Variants in RBP2 observed in about 807,000 individuals in gnomAD.
RBP2 encodes the protein retinol-binding protein 2.
Under a neutral mutation model 17.0 loss-of-function variants are expected in RBP2, and 17 were observed. The ratio of observed to expected loss-of-function variants is 1.00; its 90% CI spans 0.68 to 1.50. The LOEUF (loss-of-function observed/expected upper bound fraction) is 1.50, where lower values mean the gene tolerates loss of function less well. Among genes scored for constraint, RBP2 ranks in the 40% most tolerant of loss-of-function variants. The pLI, the probability that RBP2 is intolerant of heterozygous loss-of-function variation, is 0.00. For missense variants in RBP2, 158 were observed against 168.2 expected (o/e 0.94, Z 0.33); for synonymous variants, 48 against 57.1 (o/e 0.84, Z 0.72).
At chr3:139,459,392 C>A (rs1933103143) in intron 2 of RBP2, among the ~76,000 whole-genome samples, 1 of 116,920 alleles carries the variant, frequency 8.6e-6, no homozygotes. Context: ...CCTGTTTCTA[C>A]TATATATATG....
intron 1 of RBP2, among the ~76,000 whole-genome samples, chr3:139,464,480 A>G (rs1163925380): frequency 2.0e-5 from 3 of 151,926 alleles, no homozygotes; most frequent in Admixed American, 2.0e-4. Flanking sequence ...TTTGGTCACT[A>G]TTACTCCCCT....
At chr3:139,457,923 A>C (rs1182564561) in intron 2 of RBP2, among the ~76,000 whole-genome samples, 2 of 152,254 alleles carry the variant, frequency 1.3e-5, no homozygotes, top group African/African-American at 4.8e-5. Context: ...TAAATTAGAT[A>C]CAGGCACTGT....
At position 139,474,088 on chromosome 3, in the gene RBP2, T is replaced by C. The variant is rs942466515; in HGVS notation, c.73+2299A>G. Among the ~76,000 whole-genome samples, 3 of 152,236 alleles carry C rather than the reference T, an allele frequency of 2.0e-5. No individual in the cohort carries two copies. In the East Asian group the frequency reaches 5.8e-4, roughly 29 times the overall value. Reference sequence around the variant, plus strand: ...TCATTAGAGTGAAATCAATGTAATGTGATATTAAATTGGAAGTTTTGGCTG... The same window carrying C: ...TCATTAGAGTGAAATCAATGTAATGCGATATTAAATTGGAAGTTTTGGCTG... On this transcript the variant is annotated intron_variant, in intron 1 of 3. Transcript: ENST00000232217.
At chr3:139,458,977 A>C (rs906484465) in intron 2 of RBP2, among the ~76,000 whole-genome samples, 1 of 151,856 alleles carries the variant, frequency 6.6e-6, no homozygotes, top group African/African-American at 2.4e-5. Flanking sequence ...GGAGTCCCTG[A>C]CTCCTCAGAG....
intron 3 of RBP2, among the ~76,000 whole-genome samples, chr3:139,453,771 A>G (rs1043421862): frequency 6.6e-6 from 1 of 152,236 alleles, no homozygotes; most frequent in Non-Finnish European, 1.5e-5. Context: ...AAGGACCACC[A>G]CAATCATTGC....
intron 2 of RBP2, 139 bp from the exon 3 acceptor site, chr3:139,454,969 A>G: frequency 1.4e-6 from 1 of 739,418 alleles, no homozygotes; most frequent in South Asian, 1.7e-5. Context: ...CAGGGAGCCA[A>G]GATGCTTCCA....
At chr3:139,468,477 G>A (rs1158883499) in intron 1 of RBP2, among the ~76,000 whole-genome samples, 1 of 152,182 alleles carries the variant, frequency 6.6e-6, no homozygotes, top group Non-Finnish European at 1.5e-5. Flanking sequence ...ATGGAATCAA[G>A]CATCACTACT....
intron 2 of RBP2, among the ~76,000 whole-genome samples, chr3:139,459,474 T>C (rs1385298626): frequency 7.3e-6 from 1 of 136,580 alleles, no homozygotes; most frequent in African/African-American, 2.7e-5. Flanking sequence ...ATATATATAT[T>C]TAGCCAGGCA....
intron 2 of RBP2, among the ~76,000 whole-genome samples, chr3:139,459,400 A>G (rs199554329): frequency 3.0e-3 from 389 of 128,550 alleles, no homozygotes; most frequent in Non-Finnish European, 4.3e-3. Flanking sequence ...TACTATATAT[A>G]TGTGTGTGTG....
chr3:139,457,444 A>AGAAG (rs1363898164), intron 2 of RBP2, among the ~76,000 whole-genome samples: 2 of 152,296 alleles, frequency 1.3e-5, no homozygotes, highest in African/African-American at 4.8e-5. Context: ...GAAGGAAGGA[A>AGAAG]GAAGGAAGGA....
At chr3:139,473,470 T>C (rs1933628196) in intron 1 of RBP2, among the ~76,000 whole-genome samples, 1 of 152,182 alleles carries the variant, frequency 6.6e-6, no homozygotes, top group Non-Finnish European at 1.5e-5. Flanking sequence ...GGGGTTAAAG[T>C]ATTAGAAATC....
At chr3:139,466,236 T>C (rs2107876935) in intron 1 of RBP2, among the ~76,000 whole-genome samples, 1 of 152,286 alleles carries the variant, frequency 6.6e-6, no homozygotes, top group South Asian at 2.1e-4. Context: ...AGCCCCTCTG[T>C]GGAGGAATAT....
chr3:139,476,140 G>A (rs1039786900), intron 1 of RBP2, among the ~76,000 whole-genome samples: 4 of 152,102 alleles, frequency 2.6e-5, no homozygotes, highest in Non-Finnish European at 4.4e-5. Flanking sequence ...TTCAGTGTAT[G>A]TTTTCTGTGG....
intron 2 of RBP2, among the ~76,000 whole-genome samples, chr3:139,458,765 G>A (rs1933073861): frequency 6.6e-6 from 1 of 152,176 alleles, no homozygotes; most frequent in Non-Finnish European, 1.5e-5. Flanking sequence ...CATCCATTTT[G>A]TAGCATGAGT....
chr3:139,471,125 A>C (rs749846186), intron 1 of RBP2, among the ~76,000 whole-genome samples: 12 of 152,186 alleles, frequency 7.9e-5, no homozygotes, highest in Non-Finnish European at 1.6e-4. Flanking sequence ...CTATGCTGGC[A>C]GGGAACTCGT....
In RBP2 at chr3:139,475,867, C is replaced by T. The variant is rs1576430456; in HGVS notation, c.73+520G>A. 2.0e-5 allele frequency among the ~76,000 whole-genome samples: 3 copies of T among 152,340 alleles called. No individual in the cohort carries two copies. In the Middle Eastern group the frequency reaches 0.01, roughly 518 times the overall value. On this transcript the variant is annotated intron_variant, in intron 1 of 3. Coordinates refer to ENST00000232217, the MANE Select transcript of RBP2 (RefSeq NM_004164.3). ...GAACCCAGTTCAGAAGTCATATAAG[C>T]AGTGGGTTGTTTGTGCTATCTGACA... is the stretch of plus-strand genomic sequence containing the variant.
At position 139,475,624 on chromosome 3, in the gene RBP2, C is replaced by T. The variant is rs530325975; in HGVS notation, c.73+763G>A. Among the ~76,000 whole-genome samples, 10 of 152,284 alleles carry T rather than the reference C, an allele frequency of 6.6e-5. No homozygotes were observed. In the East Asian group the frequency reaches 1.9e-3, roughly 29 times the overall value. On this transcript the variant is annotated intron_variant, in intron 1 of 3. Coordinates refer to ENST00000232217, the MANE Select transcript of RBP2 (RefSeq NM_004164.3). ...GCTAGAAGAGGTGATAAAGAGGCTG[C>T]TGAGGGATGGAATAAGGTCAGGCAG...
chr3:139,475,230 G>A (rs1933696901), intron 1 of RBP2, among the ~76,000 whole-genome samples: 1 of 149,064 alleles, frequency 6.7e-6, no homozygotes, highest in Admixed American at 6.8e-5. Flanking sequence ...TGAGGCAGGA[G>A]AATGGCATGA....
chr3:139,455,231 TTA>T (rs1943374822), intron 2 of RBP2, among the ~76,000 whole-genome samples: 3 of 152,178 alleles, frequency 2.0e-5, no homozygotes, highest in Admixed American at 6.5e-5. Flanking sequence ...TTTGATTTCC[TTA>T]TATATATAAA....
Sources: gnomAD v4.1 joint callset for allele counts (sites outside exome capture counted in the v4.1 genomes callset) on GRCh38, gnomAD v4.1.1 for gene constraint, MANE v1.5 for transcripts, NCBI Gene and HGNC (gene_info 2026-07-23, HGNC 2026-07-21) for gene names.